The following CFAP70 variants were observed in gnomAD, a reference collection of about 807,000 sequenced individuals.
CFAP70 encodes cilia- and flagella-associated protein 70.
A neutral mutation model predicts 137.6 loss-of-function variants in CFAP70; 81 were observed. The observed-to-expected ratio is 0.59, with a 90% CI of 0.49 to 0.71. The LOEUF (loss-of-function observed/expected upper bound fraction) is 0.71, where lower values mean the gene tolerates loss of function less well. Among genes scored for constraint, CFAP70 ranks in the 30% least tolerant of loss-of-function variants. CFAP70 has a pLI of 0.00. For synonymous variants in CFAP70, 382 were observed against 423.6 expected (o/e 0.90, Z 1.20); for missense variants, 976 against 1,226.7 (o/e 0.80, Z 3.05).
intron 25 of CFAP70, 151 bp from the exon 27 acceptor site, chr10:73,256,567 T>C: frequency 2.6e-6 from 2 of 773,662 alleles, no homozygotes; most frequent in Non-Finnish European, 4.2e-6. Context: ...GAGGAAAAAC[T>C]AGCAAATGAA....
intron 25 of CFAP70, among the ~76,000 whole-genome samples, chr10:73,257,346 G>A (rs1037606830): frequency 5.9e-5 from 9 of 152,152 alleles, no homozygotes; most frequent in Non-Finnish European, 1.5e-5. Flanking sequence ...ATCTGGATAT[G>A]AGATAAGAAC....
chr10:73,330,869 G>A (rs2052001692), intron 8 of CFAP70, among the ~76,000 whole-genome samples: 2 of 152,150 alleles, frequency 1.3e-5, no homozygotes, highest in African/African-American at 2.4e-5. Flanking sequence ...TTTAACCTAT[G>A]GTAAAACTAT....
At chr10:73,345,382 T>C in intron 4 of CFAP70, 138 bp from the exon 6 acceptor site, 1 of 782,992 alleles carries the variant, frequency 1.3e-6, no homozygotes, top group East Asian at 2.7e-5. Flanking sequence ...GAAACCATGT[T>C]CTCTAAGTCC....
chr10:73,299,919 G>T (rs1337736337), intron 12 of CFAP70, among the ~76,000 whole-genome samples: 1 of 152,082 alleles, frequency 6.6e-6, no homozygotes, highest in Non-Finnish European at 1.5e-5. Flanking sequence ...TGTATTTTTG[G>T]TTAATTTGAG....
chr10:73,285,657 C>T (rs201309013), intron 19 of CFAP70, among the ~76,000 whole-genome samples: 15 of 135,120 alleles, frequency 1.1e-4, no homozygotes, highest in East Asian at 7.1e-4. Context: ...TTTTTTGAGA[C>T]GGAGTCTCAC....
At chr10:73,293,639 A>T (rs893203940) in intron 15 of CFAP70, 8 of 326,690 alleles carry the variant, frequency 2.4e-5, no homozygotes, top group African/African-American at 1.1e-4. Context: ...AAAATTGCTT[A>T]GGGCAGAAAT....
rs1435901727 is a variant in CFAP70 at position 73,275,577 on chromosome 10, G to A, written c.2542C>T (p.His848Tyr). ...CCTCCTTGAGGGCATAACAGCTCATGTGCAAGCACTCTGTGCACATACTGC... is the reference window on the plus strand; with the variant it reads ...CCTCCTTGAGGGCATAACAGCTCATATGCAAGCACTCTGTGCACATACTGC... Residue 848 changes from histidine to tyrosine, a missense_variant, in exon 22 of 27, where the codon CAT becomes TAT. Transcript: ENST00000310715. This position sits in a 1 kb window ranked among gnomAD's most constrained non-coding sequence, Gnocchi z 4.0. The A allele has an allele frequency of 6.2e-7, 1 of 1,606,048 alleles. No homozygotes were observed. Among genetic ancestry groups the A allele is most frequent in the Non-Finnish European group, 8.5e-7 (1 of 1,176,928 alleles).
At chr10:73,318,109 T>A (rs1013447057) in intron 9 of CFAP70, among the ~76,000 whole-genome samples, 2 of 152,174 alleles carry the variant, frequency 1.3e-5, no homozygotes, top group Non-Finnish European at 2.9e-5. Context: ...CTTTCATGCA[T>A]TCTTGAGCTA....
chr10:73,341,465 G>A, exon 6 of CFAP70: 5 of 1,614,188 alleles, frequency 3.1e-6, no homozygotes, highest in Non-Finnish European at 4.2e-6. Flanking sequence ...CATCAGGAAT[G>A]TTATTAGCTC....
chr10:73,359,038 G>A (rs2054894270), upstream of CFAP70, among the ~76,000 whole-genome samples: 2 of 152,188 alleles, frequency 1.3e-5, no homozygotes, highest in South Asian at 4.1e-4. Flanking sequence ...AAAGCAAAAG[G>A]AAGTTTAAAG....
upstream of CFAP70, chr10:73,358,959 A>T (rs2054891035): frequency 6.6e-6 from 1 of 152,246 alleles, no homozygotes; most frequent in Non-Finnish European, 1.5e-5. Flanking sequence ...TTAAGTGCAT[A>T]GGTTTCCACC....
chr10:73,360,122 T>C (rs531941554), upstream of CFAP70, among the ~76,000 whole-genome samples: 4 of 152,322 alleles, frequency 2.6e-5, no homozygotes, highest in Admixed American at 6.5e-5. Context: ...GTGAATCGCA[T>C]ACCACCCCGA....
chr10:73,329,306 C>G (rs893628496), intron 8 of CFAP70, among the ~76,000 whole-genome samples: 4 of 151,688 alleles, frequency 2.6e-5, no homozygotes, highest in African/African-American at 9.7e-5. Flanking sequence ...CACATGGACA[C>G]AGGAAGGGGA....
chr10:73,302,090 A>G (rs1261776516), intron 12 of CFAP70, among the ~76,000 whole-genome samples: 1 of 152,226 alleles, frequency 6.6e-6, no homozygotes, highest in Non-Finnish European at 1.5e-5. Context: ...AGGGACTACT[A>G]TGGCTCTGAC....
intron 12 of CFAP70, among the ~76,000 whole-genome samples, chr10:73,306,922 AG>A (rs1481181840): frequency 6.6e-6 from 1 of 152,192 alleles, no homozygotes; most frequent in African/African-American, 2.4e-5. Flanking sequence ...ACACTAGTAA[AG>A]GTAAATATGA....
At chr10:73,313,935 A>C (rs894324700) in intron 9 of CFAP70, among the ~76,000 whole-genome samples, 4 of 152,242 alleles carry the variant, frequency 2.6e-5, no homozygotes, top group Admixed American at 2.6e-4. Context: ...CCTATCAGTT[A>C]TAATTGGAAG....
intron 7 of CFAP70, 89 bp downstream of exon 8, chr10:73,335,341 T>A: frequency 2.5e-6 from 2 of 794,722 alleles, no homozygotes; most frequent in Non-Finnish European, 4.0e-6. Flanking sequence ...TCACCTTAAC[T>A]CAAATATAAA....
rs139988950 is a variant in CFAP70, at chr10:73,318,263, C to G, written c.912+4700G>C. On this transcript the variant is annotated intron_variant, in intron 9 of 26. Coordinates refer to ENST00000310715, the Ensembl canonical transcript of CFAP70. ...AATGACTTTTTGTCCATTTGTCCAG[C>G]TTTATGGTTGCTTTTGTGGGGAGAT... is the stretch of plus-strand genomic sequence containing the variant. Among the ~76,000 whole-genome samples, 289 of 152,284 alleles carry G rather than the reference C, an allele frequency of 1.9e-3. 2 individuals are homozygous for G. Among genetic ancestry groups the G allele is most frequent in the African/African-American group, 6.5e-3 (272 of 41,560 alleles).
At chr10:73,292,151 T>A (rs980485276) in intron 16 of CFAP70, 137 bp from the exon 18 acceptor site, 2 of 1,047,352 alleles carry the variant, frequency 1.9e-6, no homozygotes, top group Admixed American at 5.0e-5. Context: ...TATCACTGAA[T>A]CTCAAATGCC....
Sources: allele counts gnomAD v4.1 joint callset (sites outside exome capture counted in the v4.1 genomes callset), GRCh38; gene constraint gnomAD v4.1.1; non-coding constraint Gnocchi (gnomAD v3.1); transcripts MANE v1.5; gene names NCBI Gene and HGNC (gene_info 2026-07-23, HGNC 2026-07-21).